The following ZNF845 variants were observed in gnomAD, a reference collection of about 807,000 sequenced individuals.
ZNF845 encodes the protein zinc finger protein 845.
A neutral mutation model predicts 76.1 loss-of-function variants in ZNF845; 59 were observed. The observed-to-expected ratio is 0.78, with a 90% CI of 0.63 to 0.96. The LOEUF (loss-of-function observed/expected upper bound fraction) is 0.96. Ranked by LOEUF, ZNF845 falls within the 40% of genes least tolerant of loss-of-function variation. The pLI is 0.00. For missense variants in ZNF845, 1,045 were observed against 1,172.8 expected (o/e 0.89, Z 1.59); for synonymous variants, 361 against 386.9 (o/e 0.93, Z 0.78).
chr19:53,334,724 G>T (rs2085200497), intron 1 of ZNF845, among the ~76,000 whole-genome samples: 2 of 66,554 alleles, frequency 3.0e-5, no homozygotes, highest in South Asian at 8.8e-4. Context: ...AAAATAGTGA[G>T]ACCCCCCCCC....
At chr19:53,346,694 C>T (rs2085299308) in intron 3 of ZNF845, among the ~76,000 whole-genome samples, 1 of 152,138 alleles carries the variant, frequency 6.6e-6, no homozygotes, top group Admixed American at 6.6e-5. Context: ...AAAATATTTT[C>T]ATCACCTGTG....
At chr19:53,344,807 T>A (rs1475818545) in intron 2 of ZNF845, among the ~76,000 whole-genome samples, 3 of 151,810 alleles carry the variant, frequency 2.0e-5, no homozygotes, top group Non-Finnish European at 4.4e-5. Flanking sequence ...ATTTTTGTAT[T>A]TTTTCTTTTT....
At position 53,351,455 on chromosome 19, in the gene ZNF845, T is replaced by C. The variant is rs750286058; in HGVS notation, c.780T>C (p.Cys260=). The C allele has an allele frequency of 1.2e-5, 19 of 1,614,194 alleles. No homozygotes were observed. Among genetic ancestry groups the C allele is most frequent in the Non-Finnish European group, 1.5e-5 (18 of 1,180,026 alleles). The change falls in exon 4 of 4, where the codon TGT becomes TGC. Residue 260 remains cysteine (C), a synonymous_variant. Transcript: ENST00000458035. ...TTAATCAAAAGCGATATCTTGCATG[T>C]CATCGTAGATGTCACACTGGCAAGA... The part of the protein sequence containing the change: ...KVFNQKRYLA[C]HRRCHTGKKP...
rs1165164561 is a variant in ZNF845 at position 53,355,507 on chromosome 19, G to T, written c.*1919G>T. On this transcript the variant is annotated 3_prime_UTR_variant, in exon 4 of 4. Transcript: ENST00000458035. Reference sequence around the variant, plus strand: ...TGAGTACCTTGAAGAGAACTTGAAAGAATATGTTAGATCGCCTAACCTCAT... The same window carrying T: ...TGAGTACCTTGAAGAGAACTTGAAATAATATGTTAGATCGCCTAACCTCAT... The T allele has an allele frequency of 6.6e-6, 1 of 151,984 alleles. No homozygotes were observed. Among genetic ancestry groups the T allele is most frequent in the Non-Finnish European group, 1.5e-5 (1 of 68,008 alleles). 9.4% of individuals were successfully genotyped at this position (151,984 alleles called of 1,614,324 possible).
intron 2 of ZNF845, 150 bp downstream of exon 2, chr19:53,341,472 C>G: frequency 1.6e-6 from 2 of 1,279,102 alleles, no homozygotes; most frequent in Non-Finnish European, 2.2e-6. Flanking sequence ...TCTCATCTCG[C>G]TTAGATTCCA....
intron 1 of ZNF845, among the ~76,000 whole-genome samples, chr19:53,338,530 G>C (rs144280743): frequency 0.027 from 4,133 of 150,890 alleles, 247 homozygotes; most frequent in African/African-American, 0.095. Flanking sequence ...TACACAACTA[G>C]TTCTGTTCCG....
intron 2 of ZNF845, 65 bp downstream of exon 2, chr19:53,341,387 T>TA: frequency 6.2e-7 from 1 of 1,607,678 alleles, no homozygotes; most frequent in Non-Finnish European, 8.5e-7. Context: ...GCCTTGGAGT[T>TA]GGGAATCTTC....
Position 53,353,626 on chromosome 19 carries a change from C to A in ZNF845, c.*38C>A. On this transcript the variant is annotated 3_prime_UTR_variant, in exon 4 of 4. Transcript: ENST00000458035. The stretch of plus-strand genomic sequence containing the variant: ...TGTGACAAAGTTTACAGTTGTAAAT[C>A]AAGTCTTGAAAGACAGGAGAATTCA... 6.5e-7 allele frequency: 1 copy of A among 1,534,854 alleles called. No homozygotes were observed. Among genetic ancestry groups the A allele is most frequent in the Non-Finnish European group, 8.8e-7 (1 of 1,141,494 alleles).
At position 53,354,920 on chromosome 19, in the gene ZNF845, CTCTTT is replaced by C. The variant is rs921842617; in HGVS notation, c.*1339_*1343del. On this transcript the variant is annotated 3_prime_UTR_variant, in exon 4 of 4. Coordinates refer to ENST00000458035, the MANE Select transcript of ZNF845 (RefSeq NM_138374.3). ...AGACAGTCTCACTCTGTTACCCAGGCTCTTTTCTTTTTTTTTGAGAAGGAGTCTCA... is the reference window on the plus strand; with the variant it reads ...AGACAGTCTCACTCTGTTACCCAGGCTCTTTTTTTTTGAGAAGGAGTCTCA... 4 of 151,264 alleles carry C rather than the reference CTCTTT, an allele frequency of 2.6e-5. No individual in the cohort carries two copies. Among genetic ancestry groups the C allele is most frequent in the African/African-American group, 4.8e-5 (2 of 41,242 alleles). The allele number at this position is 151,264 out of a possible 1,614,324, so 9.4% of individuals were successfully genotyped here. A position where few individuals can be genotyped will look rare whatever the true frequency, so the allele number is the denominator to read the frequency against.
At chr19:53,341,867 A>G (rs1308061031) in intron 2 of ZNF845, among the ~76,000 whole-genome samples, 2 of 152,182 alleles carry the variant, frequency 1.3e-5, no homozygotes, top group African/African-American at 4.8e-5. Flanking sequence ...ATGATAGAAG[A>G]TGTTTTATTC....
At chr19:53,336,573 C>T (rs938856554) in intron 1 of ZNF845, among the ~76,000 whole-genome samples, 1 of 150,638 alleles carries the variant, frequency 6.6e-6, no homozygotes, top group Non-Finnish European at 1.5e-5. Context: ...CTTTTGTTCT[C>T]GTTGTGTAAC....
Position 53,340,944 on chromosome 19 carries a change from C to A in ZNF845, c.-73-291C>A, listed in dbSNP as rs532681304. On this transcript the variant is annotated intron_variant, in intron 1 of 3. Transcript: ENST00000458035. ...GCTGCAGGTGCAAACACCCCTCCTT[C>A]CCCAGGTCTCTGTTCTGATATCACC... 18 of 396,018 alleles carry A rather than the reference C, an allele frequency of 4.5e-5. No individual in the cohort carries two copies. In the East Asian group the frequency reaches 6.6e-4, roughly 14 times the overall value. The allele number at this position is 396,018 out of a possible 1,614,324, so 24.5% of individuals were successfully genotyped here.
rs764925917 is a variant in ZNF845, at chr19:53,351,992, C to G, written c.1317C>G (p.Tyr439Ter). The change falls in exon 4 of 4, where the codon TAC becomes TAG. Residue 439 changes from tyrosine to a stop codon, truncating the protein, a stop_gained. Coordinates refer to ENST00000458035, the MANE Select transcript of ZNF845 (RefSeq NM_138374.3). LOFTEE classifies it high-confidence loss of function. The stretch of plus-strand genomic sequence containing the variant: ...GACTTCATACTGGAGAGAAACCTTA[C>G]AAATGTGAAGAATGTGATGAAGCTT... ...HRRLHTGEKP[Y>*]KCEECDEAFS... 1.9e-6 allele frequency: 3 copies of G among 1,614,032 alleles called. No homozygotes were observed. Among genetic ancestry groups the G allele is most frequent in the Non-Finnish European group, 2.5e-6 (3 of 1,179,990 alleles).
chr19:53,352,008 G>A lies in ZNF845; in HGVS notation c.1333G>A (p.Asp445Asn), dbSNP rs2085341888. ...GAAACCTTACAAATGTGAAGAATGT[G>A]ATGAAGCTTTCAGTTTCAAATCGAA... The part of the protein sequence containing the change: ...GEKPYKCEEC[D>N]EAFSFKSNLE... The change falls in exon 4 of 4, where the codon GAT (aspartate) becomes AAT (asparagine). Residue 445 changes from aspartate to asparagine, a missense_variant. Physicochemically the swap from Asp to Asn is conservative, Grantham distance 23. Coordinates refer to ENST00000458035, the MANE Select transcript of ZNF845 (RefSeq NM_138374.3). 1 of 1,613,546 alleles carries A rather than the reference G, an allele frequency of 6.2e-7. No individual in the cohort carries two copies. Among genetic ancestry groups the A allele is most frequent in the South Asian group, 1.1e-5 (1 of 91,052 alleles).
chr19:53,337,194 TC>T, intron 1 of ZNF845: 3 of 456,738 alleles, frequency 6.6e-6, no homozygotes, highest in South Asian at 1.5e-5. Context: ...CAGGTTGCTG[TC>T]CCTGCTCTTA....
intron 1 of ZNF845, among the ~76,000 whole-genome samples, chr19:53,334,604 T>G (rs1269551783): frequency 1.3e-5 from 2 of 151,538 alleles, no homozygotes; most frequent in Admixed American, 6.6e-5. Context: ...GGAAGCACAG[T>G]AATGAAGAAA....
At position 53,352,052 on chromosome 19, in the gene ZNF845, A is replaced by C; in HGVS notation, c.1377A>C (p.Arg459Ser). 1.2e-6 allele frequency: 2 copies of C among 1,613,846 alleles called. No homozygotes were observed. The highest frequency in any genetic ancestry group is 1.7e-6 in the Non-Finnish European group (2 of 1,179,932). Residue 459 changes from arginine (R) to serine (S), a missense_variant, in exon 4 of 4, where the codon AGA becomes AGC. By Grantham distance (110) the Arg-to-Ser change is moderately radical. Transcript: ENST00000458035. ...SFKSNLERHR[R>S]IHTGEKPYKC... is the part of the protein sequence containing the mutation. ...AATCGAACCTTGAAAGACATAGGAG[A>C]ATTCATACTGGAGAGAAACCTTACA...
Position 53,351,289 on chromosome 19 carries a change from A to C in ZNF845, c.614A>C (p.Lys205Thr). 1 of 1,614,254 alleles carries C rather than the reference A, an allele frequency of 6.2e-7. No homozygotes were observed. Among genetic ancestry groups the C allele is most frequent in the Non-Finnish European group, 8.5e-7 (1 of 1,180,042 alleles). The change falls in exon 4 of 4, where the codon AAG becomes ACG. Residue 205 changes from lysine (K) to threonine (T), a missense_variant. Physicochemically the swap from Lys to Thr is moderately conservative, Grantham distance 78 (BLOSUM62 -1). Transcript: ENST00000458035. Reference sequence around the variant, plus strand: ...CTGAATTCTTCATTACTCACACAAAAGCAGGAAGTACACATGAGAGAAAAA... The same window carrying C: ...CTGAATTCTTCATTACTCACACAAACGCAGGAAGTACACATGAGAGAAAAA... ...NFLNSSLLTQ[K>T]QEVHMREKSF... is the part of the protein sequence containing the mutation.
Position 53,352,669 on chromosome 19 carries a change from G to A in ZNF845, c.1994G>A (p.Cys665Tyr), listed in dbSNP as rs2085349776. Reference sequence around the variant, plus strand: ...CATACTGGAGAGAAACCTTACAGGTGTAATGAATGTGGCAAGACCTTTAGT... The same window carrying A: ...CATACTGGAGAGAAACCTTACAGGTATAATGAATGTGGCAAGACCTTTAGT... ...RIHTGEKPYR[C>Y]NECGKTFSRK... Residue 665 changes from cysteine to tyrosine, a missense_variant, in exon 4 of 4, where the codon TGT (cysteine) becomes TAT (tyrosine). Coordinates refer to ENST00000458035, the MANE Select transcript of ZNF845 (RefSeq NM_138374.3). The A allele has an allele frequency of 6.2e-6, 10 of 1,613,798 alleles. No individual in the cohort carries two copies. Among genetic ancestry groups the A allele is most frequent in the African/African-American group, 1.3e-5 (1 of 74,908 alleles).
Sources: gnomAD v4.1 joint callset for allele counts (sites outside exome capture counted in the v4.1 genomes callset) on GRCh38, gnomAD v4.1.1 for gene constraint, MANE v1.5 for transcripts, NCBI Gene and HGNC (gene_info 2026-07-23, HGNC 2026-07-21) for gene names.